PPP2R5A: variants seen among roughly 807,000 people sequenced by gnomAD.
The protein encoded by PPP2R5A is protein phosphatase 2 regulatory subunit B'alpha.
A neutral mutation model predicts 64.2 loss-of-function variants in PPP2R5A; 25 were observed. That is an observed-to-expected ratio of 0.39 (90% CI 0.28 to 0.54). The LOEUF (loss-of-function observed/expected upper bound fraction) is 0.54, where lower values mean the gene tolerates loss of function less well. PPP2R5A is among the 20% of genes least tolerant of loss of function. The pLI is 0.67. For synonymous variants in PPP2R5A, 198 were observed against 201.2 expected (o/e 0.98, Z 0.13); for missense variants, 425 against 576.3 (o/e 0.74, Z 2.69).
chr1:212,301,888 A>T, intron 1 of PPP2R5A: 3 of 1,323,594 alleles, frequency 2.3e-6, no homozygotes, highest in Non-Finnish European at 2.9e-6. Flanking sequence ...TAGCAGCAGT[A>T]ATTAGGGATG....
chr1:212,295,442 A>C, intron 1 of PPP2R5A, among the ~76,000 whole-genome samples: 1 of 152,218 alleles, frequency 6.6e-6, no homozygotes, highest in East Asian at 1.9e-4. Context: ...GCCTAGTAGG[A>C]AGGCGGATTA....
chr1:212,350,359 C>G (rs575315080), intron 8 of PPP2R5A, among the ~76,000 whole-genome samples: 1 of 152,288 alleles, frequency 6.6e-6, no homozygotes, highest in African/African-American at 2.4e-5. Flanking sequence ...ACATAAACCT[C>G]TGAAGTTGAT....
At chr1:212,351,618 G>A (rs1435762402) in intron 8 of PPP2R5A, among the ~76,000 whole-genome samples, 1 of 152,114 alleles carries the variant, frequency 6.6e-6, no homozygotes, top group Non-Finnish European at 1.5e-5. Context: ...GGAGACTGAG[G>A]CAGAATTGCT....
At position 212,286,142 on chromosome 1, in the gene PPP2R5A, C is replaced by A; in HGVS notation, c.32C>A (p.Ala11Asp). MSSSSPPAGA[A>D]SAAISASEKV... ...TCGTCGTCGCCGCCGGCGGGGGCTG[C>A]CAGCGCCGCCATCTCGGCCTCGGAG... The change falls in exon 1 of 13, where the codon GCC (alanine) becomes GAC (aspartate). Residue 11 changes from alanine (A) to aspartate (D), a missense_variant. By Grantham distance (126) the Ala-to-Asp change is moderately radical. Transcript: ENST00000261461. The A allele has an allele frequency of 6.3e-7, 1 of 1,585,254 alleles. No homozygotes were observed. The highest frequency in any genetic ancestry group is 1.4e-5 in the African/African-American group (1 of 73,826).
chr1:212,333,182 T>C (rs1659535438), intron 2 of PPP2R5A, among the ~76,000 whole-genome samples: 1 of 152,124 alleles, frequency 6.6e-6, no homozygotes, highest in Non-Finnish European at 1.5e-5. Context: ...GGATTACAGG[T>C]GTGAGCCACT....
chr1:212,351,106 A>C (rs558095347), intron 8 of PPP2R5A, among the ~76,000 whole-genome samples: 282 of 148,170 alleles, frequency 1.9e-3, no homozygotes, highest in Admixed American at 4.4e-3. Context: ...ATGACACAAA[A>C]AAAAAAACAA....
At chr1:212,346,040 C>T (rs1659770830) in intron 5 of PPP2R5A, 107 bp downstream of exon 5, 1 of 1,155,366 alleles carries the variant, frequency 8.7e-7, no homozygotes, top group Admixed American at 2.9e-5. Flanking sequence ...CTCACTCTGT[C>T]ATCCAGGCTG....
At chr1:212,319,945 TTG>T (rs1354879435) in intron 1 of PPP2R5A, among the ~76,000 whole-genome samples, 8,319 of 106,870 alleles carry the variant, frequency 0.078, 701 homozygotes, top group African/African-American at 0.28. Context: ...TTCTTACAGA[TTG>T]TTTTTTTTTT....
At chr1:212,357,593 G>C (rs1660001249) in intron 11 of PPP2R5A, 1 of 163,530 alleles carries the variant, frequency 6.1e-6, no homozygotes, top group Non-Finnish European at 1.3e-5. Flanking sequence ...CACAAGGTCA[G>C]GAGATTGAGA....
At position 212,337,828 on chromosome 1, in the gene PPP2R5A, A is replaced by G. The variant is rs568278430; in HGVS notation, c.480+4230A>G. Among the ~76,000 whole-genome samples the G allele has an allele frequency of 6.4e-4, 97 of 152,292 alleles. 1 individual carries two copies. Among genetic ancestry groups the G allele is most frequent in the African/African-American group, 2.1e-3 (89 of 41,580 alleles). ...GAGAAAAACAGATTCTTAAAAAACT[A>G]AGATTTTGTTAATGTTTACCTCATC... On this transcript the variant is annotated intron_variant, in intron 3 of 12. Coordinates refer to ENST00000261461, the MANE Select transcript of PPP2R5A (RefSeq NM_006243.4).
rs10712005 is a variant in PPP2R5A at position 212,331,167 on chromosome 1, C to CAA, written c.378+1853_378+1854dup. 1.4e-3 allele frequency among the ~76,000 whole-genome samples: 155 copies of CAA among 112,162 alleles called. 1 individual carries two copies. Among genetic ancestry groups the CAA allele is most frequent in the African/African-American group, 5.1e-3 (150 of 29,450 alleles). 73.6% of individuals were successfully genotyped at this position (112,162 alleles called of 152,430 possible). A position where few individuals can be genotyped will look rare whatever the true frequency, so the allele number is the denominator to read the frequency against. On this transcript the variant is annotated intron_variant, in intron 2 of 12. Coordinates refer to ENST00000261461, the MANE Select transcript of PPP2R5A (RefSeq NM_006243.4). ...TGGGCGACAGAATGAGACCTTGTCT[C>CAA]AAAAAAAAAAAAAAAAAAGAGAGTG...
rs776392856 is a variant in PPP2R5A at position 212,329,315 on chromosome 1, C to T, written c.362C>T (p.Ser121Phe). 1.9e-6 allele frequency: 3 copies of T among 1,595,084 alleles called. No individual in the cohort carries two copies. The South Asian group carries it at 3.4e-5, about 18-fold the overall frequency. The change falls in exon 2 of 13, where the codon TCT (serine) becomes TTT (phenylalanine). Residue 121 changes from serine (S) to phenylalanine (F), a missense_variant. Ser to Phe is a radical substitution (Grantham distance 155, BLOSUM62 -2). Coordinates refer to ENST00000261461, the MANE Select transcript of PPP2R5A (RefSeq NM_006243.4). Reference sequence around the variant, plus strand: ...GGTGTAATTGTTGAATCAGCGTATTCTGATATAGTAAAAATGGTAAGCCTC... The same window carrying T: ...GGTGTAATTGTTGAATCAGCGTATTTTGATATAGTAAAAATGGTAAGCCTC... The part of the protein sequence containing the change: ...NRGVIVESAY[S>F]DIVKMISANI...
At chr1:212,327,332 G>T (rs1276863596) in intron 1 of PPP2R5A, among the ~76,000 whole-genome samples, 1 of 152,182 alleles carries the variant, frequency 6.6e-6, no homozygotes, top group Non-Finnish European at 1.5e-5. Flanking sequence ...GGTTTTGAAG[G>T]TTAGAAACAA....
At chr1:212,301,956 C>G in intron 1 of PPP2R5A, 2 of 1,349,486 alleles carry the variant, frequency 1.5e-6, no homozygotes, top group Non-Finnish European at 1.9e-6. Flanking sequence ...ATGATTCCTG[C>G]TACTTCAAAT....
intron 5 of PPP2R5A, among the ~76,000 whole-genome samples, chr1:212,346,366 C>CT (rs1241819570): frequency 6.6e-6 from 1 of 151,864 alleles, no homozygotes; most frequent in Non-Finnish European, 1.5e-5. Flanking sequence ...CTATCATTTG[C>CT]TTGTAGTCAT....
intron 12 of PPP2R5A, among the ~76,000 whole-genome samples, chr1:212,359,598 C>G (rs1198074069): frequency 6.6e-6 from 1 of 152,160 alleles, no homozygotes; most frequent in Non-Finnish European, 1.5e-5. Context: ...TGAGCCCACC[C>G]ATTATTTGAG....
chr1:212,333,397 A>G (rs1659540474), intron 2 of PPP2R5A, 100 bp from the exon 3 acceptor site: 3 of 687,450 alleles, frequency 4.4e-6, no homozygotes, highest in Non-Finnish European at 6.7e-6. Flanking sequence ...GCTTACAGCT[A>G]TAACTTTTTT....
Position 212,285,943 on chromosome 1 carries a change from G to C in PPP2R5A, c.-168G>C. On this transcript the variant is annotated 5_prime_UTR_variant, in exon 1 of 13. Coordinates refer to ENST00000261461, the MANE Select transcript of PPP2R5A (RefSeq NM_006243.4). The stretch of plus-strand genomic sequence containing the variant: ...GCTGAGATGTGGCCGTGAGGCGTTG[G>C]CGGGCGGCGAGGAGAAGCTCGGCGG... 3.4e-6 allele frequency: 2 copies of C among 595,852 alleles called. No individual in the cohort carries two copies. Among genetic ancestry groups the C allele is most frequent in the East Asian group, 7.3e-5 (2 of 27,300 alleles). 36.9% of individuals were successfully genotyped at this position (595,852 alleles called of 1,614,324 possible).
Position 212,286,109 on chromosome 1 carries a change from A to AGATGTCGTC in PPP2R5A, c.1_9dup, listed in dbSNP as rs763497960. On this transcript the variant is annotated 5_prime_UTR_variant, in exon 1 of 13. It adds an upstream start codon to the 5' untranslated region. Coordinates refer to ENST00000261461, the MANE Select transcript of PPP2R5A (RefSeq NM_006243.4). Reference sequence around the variant, plus strand: ...GAGCTGCCAAGCGTCAGGGCCGCGGAGATGTCGTCGTCGTCGCCGCCGGCG... The same window carrying AGATGTCGTC: ...GAGCTGCCAAGCGTCAGGGCCGCGGAGATGTCGTCGATGTCGTCGTCGTCGCCGCCGGCG... 1 of 1,563,524 alleles carries AGATGTCGTC rather than the reference A, an allele frequency of 6.4e-7. No homozygotes were observed. The highest frequency in any genetic ancestry group is 1.2e-5 in the South Asian group (1 of 85,976).
Sources: allele counts gnomAD v4.1 joint callset (sites outside exome capture counted in the v4.1 genomes callset), GRCh38; gene constraint gnomAD v4.1.1; transcripts MANE v1.5; gene names NCBI Gene and HGNC (gene_info 2026-07-23, HGNC 2026-07-21).